IKBIP: variants seen among roughly 807,000 people sequenced by gnomAD.
The protein encoded by IKBIP is IKBKB interacting protein.
In IKBIP, 28 loss-of-function variants were observed where a neutral mutation model predicts 31.0. That is an observed-to-expected ratio of 0.90 (90% CI 0.67 to 1.24). IKBIP has a LOEUF of 1.24. Among genes scored for constraint, IKBIP ranks in the 50% most tolerant of loss-of-function variants. IKBIP has a pLI of 0.00. For missense variants in IKBIP, 453 were observed against 441.9 expected, an observed-to-expected ratio of 1.03 and a Z score of -0.23; for synonymous variants, 164 against 160.3, an observed-to-expected ratio of 1.02 and a Z score of -0.17.
intron 2 of IKBIP, among the ~76,000 whole-genome samples, chr12:98,616,552 A>G (rs974865144): frequency 6.6e-6 from 1 of 152,186 alleles, no homozygotes; most frequent in Non-Finnish European, 1.5e-5. Flanking sequence ...ATTCAAAAAA[A>G]TCTTTCCCAA....
At chr12:98,628,756 A>G (rs984248414) in intron 2 of IKBIP, among the ~76,000 whole-genome samples, 1 of 152,228 alleles carries the variant, frequency 6.6e-6, no homozygotes, top group Non-Finnish European at 1.5e-5. Flanking sequence ...TCCACATCAT[A>G]TATTCTAGAG....
In IKBIP at chr12:98,644,745, C is replaced by T; in HGVS notation, c.-44G>A. 1.9e-6 allele frequency: 3 copies of T among 1,567,336 alleles called. No individual in the cohort carries two copies. Among genetic ancestry groups the T allele is most frequent in the African/African-American group, 1.4e-5 (1 of 70,950 alleles). The stretch of plus-strand genomic sequence containing the variant: ...GACAAGCCCAGGGCAGCTTCTTCAC[C>T]AGGGGGAGCAGGACGTGGCCGCCTT... On this transcript the variant is annotated 5_prime_UTR_variant, in exon 1 of 3. Coordinates refer to ENST00000299157, the MANE Select transcript of IKBIP (RefSeq NM_153687.4).
intron 2 of IKBIP, among the ~76,000 whole-genome samples, chr12:98,634,061 C>G (rs958086976): frequency 2.0e-5 from 3 of 152,064 alleles, no homozygotes; most frequent in African/African-American, 7.2e-5. Context: ...CTAATATGAA[C>G]AAATTGGTCT....
intron 1 of IKBIP, 70 bp from the exon 2 acceptor site, chr12:98,634,483 T>C (rs1592998143): frequency 2.6e-6 from 2 of 774,530 alleles, no homozygotes; most frequent in East Asian, 5.0e-5. Context: ...AAAGGAGAAT[T>C]ATACCCACTT....
At chr12:98,635,663 G>C (rs1364997624) in intron 1 of IKBIP, among the ~76,000 whole-genome samples, 1 of 152,238 alleles carries the variant, frequency 6.6e-6, no homozygotes, top group Non-Finnish European at 1.5e-5. Context: ...ATGCTGAAAT[G>C]TAGGCGAAAC....
intron 2 of IKBIP, among the ~76,000 whole-genome samples, chr12:98,630,962 C>T (rs1328287099): frequency 1.3e-5 from 2 of 150,252 alleles, no homozygotes; most frequent in Non-Finnish European, 3.0e-5. Flanking sequence ...GACGGAGTTT[C>T]GCTCTTGTTG....
intron 2 of IKBIP, among the ~76,000 whole-genome samples, chr12:98,628,069 T>G (rs1196601784): frequency 6.6e-6 from 1 of 152,256 alleles, no homozygotes; most frequent in Non-Finnish European, 1.5e-5. Context: ...ATAACAGCTT[T>G]AGAGACTACA....
chr12:98,628,602 A>G (rs1157327579), intron 2 of IKBIP, among the ~76,000 whole-genome samples: 1 of 152,196 alleles, frequency 6.6e-6, no homozygotes, highest in Non-Finnish European at 1.5e-5. Flanking sequence ...TATTACACAT[A>G]TATTTGCCAC....
intron 2 of IKBIP, among the ~76,000 whole-genome samples, chr12:98,632,228 G>GGAGGCA (rs2097620897): frequency 6.6e-6 from 1 of 151,604 alleles, no homozygotes; most frequent in Non-Finnish European, 1.5e-5. Context: ...CAATTCTTTG[G>GGAGGCA]GAGGCAGAGG....
At chr12:98,636,805 C>T (rs2097626088) in intron 1 of IKBIP, among the ~76,000 whole-genome samples, 1 of 150,032 alleles carries the variant, frequency 6.7e-6, no homozygotes, top group Middle Eastern at 3.2e-3. Context: ...TTTTTTTTCC[C>T]CCAGAGTATT....
chr12:98,627,820 A>T (rs111386199), intron 2 of IKBIP, among the ~76,000 whole-genome samples: 2,654 of 152,336 alleles, frequency 0.017, 32 homozygotes, highest in South Asian at 0.058. Flanking sequence ...AAATCCTATA[A>T]TTCTGGAAGG....
Position 98,617,967 on chromosome 12 carries a change from A to G in IKBIP, c.298-3627T>C, listed in dbSNP as rs571620297. On this transcript the variant is annotated intron_variant, in intron 2 of 2. Coordinates refer to the IKBIP transcript ENST00000342502. ...GATTTGACAGCATATACTGTACTACAGTATGTCCTAGTATGATCAAGAACA... is the reference window on the plus strand; with the variant it reads ...GATTTGACAGCATATACTGTACTACGGTATGTCCTAGTATGATCAAGAACA... Among the ~76,000 whole-genome samples, 108 of 152,358 alleles carry G rather than the reference A, an allele frequency of 7.1e-4. 2 individuals carry two copies. The South Asian group carries it at 0.021, about 30-fold the overall frequency.
intron 2 of IKBIP, among the ~76,000 whole-genome samples, chr12:98,629,450 T>C (rs1315598530): frequency 6.6e-6 from 1 of 152,022 alleles, no homozygotes; most frequent in African/African-American, 2.4e-5. Context: ...TCCCAGCTAC[T>C]TGGGAGGCTG....
chr12:98,637,419 G>GT (rs933591382), intron 1 of IKBIP, among the ~76,000 whole-genome samples: 9 of 151,586 alleles, frequency 5.9e-5, no homozygotes, highest in East Asian at 1.9e-4. Context: ...CTTTCTTTTT[G>GT]TTTTTTTTGA....
At chr12:98,629,475 C>T (rs1184194082) in intron 2 of IKBIP, among the ~76,000 whole-genome samples, 1 of 152,142 alleles carries the variant, frequency 6.6e-6, no homozygotes, top group Middle Eastern at 3.2e-3. Flanking sequence ...GGGAGGATTC[C>T]TTGAGCCCAA....
At chr12:98,614,147 A>G (rs747806245) in exon 3 of IKBIP, 1 of 1,613,640 alleles carries the variant, frequency 6.2e-7, no homozygotes, top group Admixed American at 1.7e-5. Flanking sequence ...ATCTTTTGCC[A>G]TGGAAGTTGT....
At chr12:98,620,822 G>A (rs2097609532), downstream of IKBIP, among the ~76,000 whole-genome samples, 1 of 151,854 alleles carries the variant, frequency 6.6e-6, no homozygotes, top group African/African-American at 2.4e-5. Context: ...GACCAGCCTG[G>A]GCAACATAGA....
Position 98,625,600 on chromosome 12 carries a change from G to C in IKBIP, c.*330C>G, listed in dbSNP as rs1422590425. 2 of 158,470 alleles carry C rather than the reference G, an allele frequency of 1.3e-5. No homozygotes were observed. Among genetic ancestry groups the C allele is most frequent in the Non-Finnish European group, 2.7e-5 (2 of 72,792 alleles). The allele number at this position is 158,470 out of a possible 1,614,324, so 9.8% of individuals were successfully genotyped here. ...GGTAAATACTCTTTATTAGCCCCTG[G>C]AGACATCAATATATGTGGGTACAAT... On this transcript the variant is annotated 3_prime_UTR_variant, in exon 3 of 3. Coordinates refer to ENST00000299157, the MANE Select transcript of IKBIP (RefSeq NM_153687.4).
chr12:98,619,287 C>G (rs919369281), downstream of IKBIP, among the ~76,000 whole-genome samples: 7 of 152,138 alleles, frequency 4.6e-5, no homozygotes, highest in African/African-American at 1.2e-4. Flanking sequence ...TATTTCATTA[C>G]CAGGTTATCA....
Sources: gnomAD v4.1 joint callset for allele counts (sites outside exome capture counted in the v4.1 genomes callset) on GRCh38, gnomAD v4.1.1 for gene constraint, MANE v1.5 for transcripts, NCBI Gene and HGNC (gene_info 2026-07-23, HGNC 2026-07-21) for gene names.